DIAPH2: variants seen among roughly 807,000 people sequenced by gnomAD.
The protein encoded by DIAPH2 is diaphanous related formin 2.
A neutral mutation model predicts 92.7 loss-of-function variants in DIAPH2; 35 were observed. That is an observed-to-expected ratio of 0.38 (90% CI 0.29 to 0.50). The LOEUF is 0.50. Ranked by LOEUF, DIAPH2 falls within the 20% of genes least tolerant of loss-of-function variation. DIAPH2 has a pLI of 0.94. For missense variants in DIAPH2, 701 were observed against 819.5 expected (o/e 0.86, Z 1.77); for synonymous variants, 301 against 280.4 (o/e 1.07, Z -0.73).
intron 5 of DIAPH2, among the ~76,000 whole-genome samples, chrX:96,888,855 C>T (rs186875787): frequency 1.1e-5 from 1 of 90,510 alleles, no homozygotes. Flanking sequence ...CAGCAAGTGT[C>T]AGTGTTAAGA....
At chrX:97,156,297 C>T (rs1039441723) in intron 22 of DIAPH2, among the ~76,000 whole-genome samples, 1 of 112,017 alleles carries the variant, frequency 8.9e-6, no homozygotes, top group Non-Finnish European at 1.9e-5. Flanking sequence ...AGGGACTATA[C>T]AGAATTCATC....
chrX:97,146,053 A>G (rs1477077705), intron 22 of DIAPH2, among the ~76,000 whole-genome samples: 1 of 80,906 alleles, frequency 1.2e-5, no homozygotes, highest in Non-Finnish European at 2.4e-5. Context: ...TTAGGAGAAA[A>G]TACTTTTTGT....
At chrX:97,351,349 G>T (rs1219867189) in intron 24 of DIAPH2, among the ~76,000 whole-genome samples, 1 of 112,009 alleles carries the variant, frequency 8.9e-6, no homozygotes, top group African/African-American at 3.2e-5. Flanking sequence ...TAATGCTCTG[G>T]GTCACAGATA....
At chrX:97,095,894 G>T (rs1186929067) in intron 19 of DIAPH2, among the ~76,000 whole-genome samples, 2 of 112,268 alleles carry the variant, frequency 1.8e-5, no homozygotes, top group Non-Finnish European at 3.8e-5. Flanking sequence ...CATAGTTGCT[G>T]CTTTCTCTTT....
At chrX:96,725,456 A>G (rs1313885171) in intron 1 of DIAPH2, among the ~76,000 whole-genome samples, 2 of 112,328 alleles carry the variant, frequency 1.8e-5, no homozygotes, top group East Asian at 5.5e-4. Flanking sequence ...TGTTCACCAT[A>G]TAATCACATT....
chrX:97,146,007 C>CTTTTTTTTTT (rs372292277), intron 22 of DIAPH2, among the ~76,000 whole-genome samples: 3 of 43,170 alleles, frequency 6.9e-5, no homozygotes, highest in Non-Finnish European at 8.0e-5. Flanking sequence ...TTTCTTCTTC[C>CTTTTTTTTTT]TTTTTTTTTT....
At chrX:97,400,607 T>C (rs1053068913) in intron 25 of DIAPH2, among the ~76,000 whole-genome samples, 10 of 111,659 alleles carry the variant, frequency 9.0e-5, no homozygotes, top group Admixed American at 2.9e-4. Context: ...CACCATGCTG[T>C]ACAATCAGTC....
chrX:97,058,823 T>C (rs2066576414), intron 17 of DIAPH2, among the ~76,000 whole-genome samples: 2 of 111,867 alleles, frequency 1.8e-5, no homozygotes, highest in Admixed American at 1.9e-4. Context: ...GAGGGATTGA[T>C]GTGGGAGATA....
chrX:97,221,238 A>G (rs768532589), intron 22 of DIAPH2, among the ~76,000 whole-genome samples: 2 of 112,179 alleles, frequency 1.8e-5, no homozygotes, highest in African/African-American at 6.5e-5. Context: ...TCTAGTGTCT[A>G]CAGTGTCCTT....
intron 15 of DIAPH2, among the ~76,000 whole-genome samples, chrX:96,957,438 A>G (rs1027454002): frequency 2.7e-5 from 3 of 111,994 alleles, no homozygotes; most frequent in Non-Finnish European, 5.6e-5. Flanking sequence ...CCTTCTTCAC[A>G]TCGCAGTAGC....
At chrX:97,053,773 G>C (rs764501539) in intron 17 of DIAPH2, among the ~76,000 whole-genome samples, 15 of 111,421 alleles carry the variant, frequency 1.3e-4, no homozygotes, top group Non-Finnish European at 2.8e-4. Context: ...AATCAATACA[G>C]TCTACACAGA....
chrX:97,019,384 C>T (rs2066282101), intron 17 of DIAPH2, among the ~76,000 whole-genome samples: 1 of 110,470 alleles, frequency 9.1e-6, no homozygotes, highest in South Asian at 3.9e-4. Context: ...GTTCTTAACC[C>T]ACTCTTATCA....
intron 25 of DIAPH2, among the ~76,000 whole-genome samples, chrX:97,413,564 C>T (rs12398267): frequency 0.028 from 3,059 of 109,612 alleles, 34 homozygotes; most frequent in Middle Eastern, 0.042. Context: ...GGCAATCAGA[C>T]GAGAAAGAAA....
chrX:97,279,490 G>T (rs755731476), intron 23 of DIAPH2, among the ~76,000 whole-genome samples: 1 of 109,493 alleles, frequency 9.1e-6, no homozygotes, highest in East Asian at 2.9e-4. Context: ...TTTTGGTAGA[G>T]ACGGGATTTC....
chrX:97,146,007 CTTTTTTTTTTT>C (rs372292277), intron 22 of DIAPH2, among the ~76,000 whole-genome samples: 4 of 43,169 alleles, frequency 9.3e-5, no homozygotes, highest in Admixed American at 4.3e-4. Context: ...TTTCTTCTTC[CTTTTTTTTTTT>C]TTTTTTTTTT....
rs756083746 is a variant in DIAPH2, at chrX:97,512,135, G to A, written c.3241+82390G>A. ...TAGAATTCGGCTGTGAATCCATCTG[G>A]TCCTGGACTCTTTTTGGTTGGTAAG... On this transcript the variant is annotated intron_variant, in intron 26 of 26. Coordinates refer to ENST00000324765, the MANE Select transcript of DIAPH2 (RefSeq NM_006729.5). 2.7e-3 allele frequency among the ~76,000 whole-genome samples: 301 copies of A among 112,972 alleles called. 4 individuals are homozygous for A. The highest frequency in any genetic ancestry group is 8.2e-3 in the African/African-American group (253 of 30,712).
intron 4 of DIAPH2, among the ~76,000 whole-genome samples, chrX:96,829,319 C>G (rs771297949): frequency 9.1e-6 from 1 of 109,323 alleles, no homozygotes; most frequent in East Asian, 2.9e-4. Flanking sequence ...GTGTATCTGC[C>G]AATGCAATTA....
At chrX:97,378,140 T>G in intron 24 of DIAPH2, among the ~76,000 whole-genome samples, 1 of 109,991 alleles carries the variant, frequency 9.1e-6, no homozygotes, top group African/African-American at 3.3e-5. Flanking sequence ...CCCAGCACTT[T>G]AGGAGGCCAA....
Position 97,144,920 on chromosome X carries a change from A to G in DIAPH2, c.2719+3126A>G, listed in dbSNP as rs189248245. ...GCTGGGATTACAGGCGCACGCCACC[A>G]TGCCCAGCTAATTTTTGTACTTTTT... is the stretch of plus-strand genomic sequence containing the variant. On this transcript the variant is annotated intron_variant, in intron 22 of 26. Coordinates refer to ENST00000324765, the MANE Select transcript of DIAPH2 (RefSeq NM_006729.5). Among the ~76,000 whole-genome samples the G allele has an allele frequency of 2.5e-3, 282 of 111,420 alleles. 1 individual carries two copies. The highest frequency in any genetic ancestry group is 8.7e-3 in the African/African-American group (265 of 30,618).
Sources: gnomAD v4.1 joint callset for allele counts (sites outside exome capture counted in the v4.1 genomes callset) on GRCh38, gnomAD v4.1.1 for gene constraint, MANE v1.5 for transcripts, NCBI Gene and HGNC (gene_info 2026-07-23, HGNC 2026-07-21) for gene names.